Variants in CCNY observed in about 807,000 individuals in gnomAD.
The protein encoded by CCNY is cyclin-Y.
A neutral mutation model predicts 42.8 loss-of-function variants in CCNY; 19 were observed. The ratio of observed to expected loss-of-function variants is 0.44; its 90% CI spans 0.31 to 0.65. CCNY has a LOEUF of 0.65. Ranked by LOEUF, CCNY falls within the 30% of genes least tolerant of loss-of-function variation. The pLI, the probability that CCNY is intolerant of heterozygous loss-of-function variation, is 0.07. For synonymous variants in CCNY, 165 were observed against 162.7 expected (o/e 1.01, Z -0.11); for missense variants, 370 against 437.3 (o/e 0.85, Z 1.37).
rs775909239 is a variant in CCNY at position 35,530,163 on chromosome 10, G to C, written c.499G>C (p.Glu167Gln). Reference protein sequence around the residue: ...VPPDYDKHNPEQKQIYRFVRT... With the variant: ...VPPDYDKHNPQQKQIYRFVRT... ...ACCAGATTATGACAAACACAACCCA[G>C]AGCAGAAGCAGATTTACCGGTTCGT... Residue 167 changes from glutamate (E) to glutamine (Q), a missense_variant, in exon 7 of 10, where the codon GAG (glutamate) becomes CAG (glutamine). This residue lies in a region of CCNY where 234 missense variants were observed against 313.1 expected (regional missense o/e 0.75). Transcript: ENST00000374704. This position sits in a 1 kb window ranked among gnomAD's most constrained non-coding sequence, Gnocchi z 4.3. The C allele has an allele frequency of 3.1e-6, 5 of 1,614,194 alleles. No individual in the cohort carries two copies. In the South Asian group the frequency reaches 3.3e-5, roughly 11 times the overall value.
intron 3 of CCNY, among the ~76,000 whole-genome samples, chr10:35,307,156 G>A (rs1046128363): frequency 6.6e-6 from 1 of 152,164 alleles, no homozygotes; most frequent in Non-Finnish European, 1.5e-5. Flanking sequence ...CAGGGATGAC[G>A]ACAGCAAGCT....
At chr10:35,382,929 T>C (rs1381777606) in intron 1 of CCNY, among the ~76,000 whole-genome samples, 1 of 152,158 alleles carries the variant, frequency 6.6e-6, no homozygotes. Context: ...TCATGACCAG[T>C]AGAGAGTCAA....
At chr10:35,310,651 G>A (rs1328744012) in intron 3 of CCNY, among the ~76,000 whole-genome samples, 1 of 152,112 alleles carries the variant, frequency 6.6e-6, no homozygotes, top group East Asian at 1.9e-4. Context: ...CTGATGATGA[G>A]TGATGCTGAG....
chr10:35,337,507 T>G (rs2135114058), intron 1 of CCNY, among the ~76,000 whole-genome samples: 1 of 151,938 alleles, frequency 6.6e-6, no homozygotes, highest in East Asian at 1.9e-4. Flanking sequence ...TCGTCCTTAA[T>G]GGAGCGGCCA....
intron 1 of CCNY, among the ~76,000 whole-genome samples, chr10:35,417,580 GA>G (rs1177381495): frequency 2.0e-5 from 3 of 152,216 alleles, no homozygotes; most frequent in Admixed American, 1.3e-4. Flanking sequence ...AACTCCTTAA[GA>G]GGTGTTTATA....
chr10:35,337,823 C>G (rs1020404480), intron 1 of CCNY, among the ~76,000 whole-genome samples: 1 of 151,888 alleles, frequency 6.6e-6, no homozygotes, highest in Non-Finnish European at 1.5e-5. Flanking sequence ...TTGTCAGACA[C>G]CTTTGGGTTA....
intron 3 of CCNY, among the ~76,000 whole-genome samples, chr10:35,507,733 A>C (rs1840242970): frequency 6.6e-6 from 1 of 151,896 alleles, no homozygotes; most frequent in South Asian, 2.1e-4. Flanking sequence ...AATCTGGAGC[A>C]GATTCTCAGC....
rs553234532 is a variant in CCNY, at chr10:35,350,772, G to A, written c.154+13565G>A. On this transcript the variant is annotated intron_variant, in intron 1 of 9. Coordinates refer to ENST00000374704, the MANE Select transcript of CCNY (RefSeq NM_145012.6). ...CAAGAGTCACTTCCATTAGTCAGGTGCACTGCTGCTGGATTGAGGAAATGG... is the reference window on the plus strand; with the variant it reads ...CAAGAGTCACTTCCATTAGTCAGGTACACTGCTGCTGGATTGAGGAAATGG... 1.2e-4 allele frequency among the ~76,000 whole-genome samples: 18 copies of A among 152,318 alleles called. No individual in the cohort carries two copies. The South Asian group carries it at 1.9e-3, about 16-fold the overall frequency.
intron 1 of CCNY, among the ~76,000 whole-genome samples, chr10:35,428,854 C>A (rs944887149): frequency 1.3e-5 from 2 of 152,162 alleles, no homozygotes; most frequent in East Asian, 3.8e-4. Context: ...ACTGCAGGAA[C>A]AGTGGAGGAA....
chr10:35,281,290 A>T (rs983312740), intron 3 of CCNY, among the ~76,000 whole-genome samples: 12 of 151,800 alleles, frequency 7.9e-5, no homozygotes, highest in South Asian at 4.2e-4. Context: ...TTATTTATTT[A>T]TTATTTATTT....
intron 1 of CCNY, among the ~76,000 whole-genome samples, chr10:35,247,648 G>A (rs568833497): frequency 3.8e-4 from 58 of 151,334 alleles, no homozygotes; most frequent in African/African-American, 1.1e-3. Context: ...AGGCTGAGGC[G>A]GGCGGATCAC....
At chr10:35,370,350 A>T (rs1836903895) in intron 1 of CCNY, among the ~76,000 whole-genome samples, 1 of 151,836 alleles carries the variant, frequency 6.6e-6, no homozygotes, top group South Asian at 2.1e-4. Context: ...ACGGGGTTTC[A>T]CCGTGTTAGC....
At chr10:35,482,751 TGTG>T (rs1396787186) in intron 1 of CCNY, among the ~76,000 whole-genome samples, 1 of 42,742 alleles carries the variant, frequency 2.3e-5, no homozygotes, top group Non-Finnish European at 4.0e-5. Context: ...TGGAAATAGG[TGTG>T]TGTGTGTGTG....
At chr10:35,336,308 C>T (rs1482371376), upstream of CCNY, 1 of 152,094 alleles carries the variant, frequency 6.6e-6, no homozygotes, top group African/African-American at 2.4e-5. Flanking sequence ...AGAAACCGAG[C>T]TCCCGACGAC....
intron 1 of CCNY, chr10:35,449,934 C>A: frequency 3.4e-6 from 1 of 292,632 alleles, no homozygotes; most frequent in Non-Finnish European, 5.1e-6. Flanking sequence ...TACGGTGGGA[C>A]CAGTCAGCAG....
chr10:35,389,644 G>A (rs1024560754), intron 1 of CCNY, among the ~76,000 whole-genome samples: 4 of 151,888 alleles, frequency 2.6e-5, no homozygotes, highest in Non-Finnish European at 5.9e-5. Context: ...TTACTGTGTC[G>A]GCAAGGCTGG....
rs983410721 is a variant in CCNY at position 35,530,318 on chromosome 10, T to A, written c.579+75T>A. The A allele has an allele frequency of 6.3e-7, 1 of 1,588,512 alleles. No homozygotes were observed. Among genetic ancestry groups the A allele is most frequent in the African/African-American group, 1.3e-5 (1 of 74,314 alleles). On this transcript the variant is annotated intron_variant, in intron 7 of 9. Transcript: ENST00000374704. This position sits in a 1 kb window ranked among gnomAD's most constrained non-coding sequence, Gnocchi z 4.3. ...GGCCCGTTCCTGTTACTCAGCGGAG[T>A]GAGGTTGGAGCAGGGAATCCTCACC...
chr10:35,269,506 G>A (rs1338807595), intron 3 of CCNY, among the ~76,000 whole-genome samples: 1 of 151,318 alleles, frequency 6.6e-6, no homozygotes, highest in African/African-American at 2.4e-5. Flanking sequence ...GTTTTGCCAT[G>A]TTGGCCAGGC....
At chr10:35,340,865 G>A (rs1432014998) in intron 1 of CCNY, among the ~76,000 whole-genome samples, 2 of 152,080 alleles carry the variant, frequency 1.3e-5, no homozygotes, top group Non-Finnish European at 2.9e-5. Flanking sequence ...CCCTCGTCCT[G>A]TATCATATCT....
Sources: allele counts gnomAD v4.1 joint callset (sites outside exome capture counted in the v4.1 genomes callset), GRCh38; gene constraint gnomAD v4.1.1; regional missense constraint gnomAD v4.1.1; non-coding constraint Gnocchi (gnomAD v3.1); transcripts MANE v1.5; gene names NCBI Gene and HGNC (gene_info 2026-07-23, HGNC 2026-07-21).